Variants in CKAP2L observed in about 807,000 individuals in gnomAD.
CKAP2L encodes cytoskeleton associated protein 2L.
A neutral mutation model predicts 65.7 loss-of-function variants in CKAP2L; 42 were observed. The observed-to-expected ratio is 0.64, with a 90% CI of 0.50 to 0.83. The LOEUF (loss-of-function observed/expected upper bound fraction) is 0.83. CKAP2L is among the 40% of genes least tolerant of loss of function. CKAP2L has a pLI of 0.00. For missense variants in CKAP2L, 908 were observed against 871.0 expected (o/e 1.04, Z -0.53); for synonymous variants, 325 against 313.5 (o/e 1.04, Z -0.39).
At chr2:112,744,575 G>C (rs1347730529) in intron 6 of CKAP2L, among the ~76,000 whole-genome samples, 1 of 152,164 alleles carries the variant, frequency 6.6e-6, no homozygotes, top group East Asian at 1.9e-4. Flanking sequence ...TGCAAGATTA[G>C]GATAGGGTGC....
intron 7 of CKAP2L, among the ~76,000 whole-genome samples, chr2:112,741,514 G>A (rs1264855787): frequency 1.2e-4 from 18 of 152,206 alleles, no homozygotes; most frequent in Admixed American, 1.2e-3. Context: ...CAAAATGAAA[G>A]GAAGGAAATC....
At position 112,746,488 on chromosome 2, in the gene CKAP2L, A is replaced by G. The variant is rs1183170407; in HGVS notation, c.1690T>C (p.Leu564=). ...FAKFWICKAK[L]LASKGTFDVI... Reference sequence around the variant, plus strand: ...TCAAAGGTGCCTTTACTTGCCAACAACTTTGCTTTGCAGATCCAGAATTTA... The same window carrying G: ...TCAAAGGTGCCTTTACTTGCCAACAGCTTTGCTTTGCAGATCCAGAATTTA... The change falls in exon 6 of 9, where the codon TTG becomes CTG. Residue 564 remains leucine (L), a synonymous_variant. Coordinates refer to ENST00000302450, the MANE Select transcript of CKAP2L (RefSeq NM_152515.5). 1 of 1,613,442 alleles carries G rather than the reference A, an allele frequency of 6.2e-7. No individual in the cohort carries two copies. The highest frequency in any genetic ancestry group is 1.7e-5 in the Admixed American group (1 of 60,016).
chr2:112,748,521 A>T (rs1680270899), intron 5 of CKAP2L, among the ~76,000 whole-genome samples: 1 of 152,230 alleles, frequency 6.6e-6, no homozygotes, highest in East Asian at 1.9e-4. Flanking sequence ...TCATAAAGTC[A>T]CTAGTGAGTA....
chr2:112,743,106 T>C (rs1162497440), intron 6 of CKAP2L, among the ~76,000 whole-genome samples: 1 of 152,156 alleles, frequency 6.6e-6, no homozygotes, highest in Non-Finnish European at 1.5e-5. Context: ...GGCCCAATGA[T>C]GTAAAGCTAG....
chr2:112,752,149 A>G (rs1250861780), intron 5 of CKAP2L, 118 bp downstream of exon 5: 1 of 703,056 alleles, frequency 1.4e-6, no homozygotes, highest in East Asian at 2.6e-5. Context: ...CTGTATTTAC[A>G]AGAGTAGCTA....
At position 112,752,286 on chromosome 2, in the gene CKAP2L, CATT is replaced by C. The variant is rs1680394313; in HGVS notation, c.1580_1582del (p.Glu527_Cys528delinsGly). 1 of 1,613,600 alleles carries C rather than the reference CATT, an allele frequency of 6.2e-7. No homozygotes were observed. Among genetic ancestry groups the C allele is most frequent in the African/African-American group, 1.3e-5 (1 of 74,922 alleles). ...ACTTACCCCTTCGATGAGGTTCAGA[CATT>C]CTGTCAGAGTGTTGTTAATTTTACT... On this transcript the variant is annotated inframe_deletion, in exon 5 of 9. Transcript: ENST00000302450.
intron 5 of CKAP2L, among the ~76,000 whole-genome samples, chr2:112,749,940 G>C (rs1680315194): frequency 6.6e-6 from 1 of 152,146 alleles, no homozygotes; most frequent in Non-Finnish European, 1.5e-5. Context: ...CCTCACCCTG[G>C]CAGTAACAGT....
At chr2:112,744,990 T>C (rs1680159974) in intron 6 of CKAP2L, among the ~76,000 whole-genome samples, 1 of 151,764 alleles carries the variant, frequency 6.6e-6, no homozygotes, top group South Asian at 2.1e-4. Flanking sequence ...AAATAGACAA[T>C]GTAGGAAGAA....
chr2:112,755,993 T>C lies in CKAP2L; in HGVS notation c.1378A>G (p.Thr460Ala), dbSNP rs1680519614. 18 of 1,585,726 alleles carry C rather than the reference T, an allele frequency of 1.1e-5. No homozygotes were observed. Among genetic ancestry groups the C allele is most frequent in the Non-Finnish European group, 1.5e-5 (18 of 1,169,018 alleles). The change falls in exon 4 of 9, where the codon ACA becomes GCA. Residue 460 changes from threonine to alanine, a missense_variant. Thr to Ala is a moderately conservative substitution (Grantham distance 58). Coordinates refer to ENST00000302450, the MANE Select transcript of CKAP2L (RefSeq NM_152515.5). ...QTNPNIKKKA[T>A]AEDRRKQLEE... ...GCAAAGTACCTTCGATCCTCTGCTGTTGCCTTCTTTTTAATATTTGGGTTT... is the reference window on the plus strand; with the variant it reads ...GCAAAGTACCTTCGATCCTCTGCTGCTGCCTTCTTTTTAATATTTGGGTTT...
intron 6 of CKAP2L, among the ~76,000 whole-genome samples, chr2:112,744,024 A>AT (rs1391688508): frequency 2.0e-5 from 3 of 152,174 alleles, no homozygotes; most frequent in African/African-American, 4.8e-5. Flanking sequence ...CTTTCCGTAC[A>AT]TTTTTTCAAA....
intron 6 of CKAP2L, among the ~76,000 whole-genome samples, chr2:112,744,962 T>A (rs1329286331): frequency 6.6e-6 from 1 of 151,020 alleles, no homozygotes; most frequent in African/African-American, 2.4e-5. Context: ...GAGAAAGAAA[T>A]GAAAAACATT....
intron 5 of CKAP2L, 57 bp downstream of exon 5, chr2:112,752,210 G>T: frequency 7.9e-7 from 1 of 1,264,064 alleles, no homozygotes; most frequent in Non-Finnish European, 1.1e-6. Flanking sequence ...TTAGGAATAT[G>T]TTTAAAAATT....
chr2:112,754,399 A>G (rs1266054607), intron 4 of CKAP2L, among the ~76,000 whole-genome samples: 1 of 152,236 alleles, frequency 6.6e-6, no homozygotes, highest in East Asian at 1.9e-4. Context: ...CTACTTGATG[A>G]TACAAGGTGA....
At chr2:112,746,951 G>A (rs562716696) in intron 5 of CKAP2L, among the ~76,000 whole-genome samples, 37 of 151,826 alleles carry the variant, frequency 2.4e-4, no homozygotes, top group South Asian at 2.1e-4. Context: ...CCACATGCTC[G>A]GCTAATTTTT....
chr2:112,759,415 T>C (rs576470612), intron 3 of CKAP2L, among the ~76,000 whole-genome samples: 1 of 152,358 alleles, frequency 6.6e-6, no homozygotes, highest in South Asian at 2.1e-4. Context: ...ATTATTTACA[T>C]CGTGCTTTTA....
At position 112,737,993 on chromosome 2, in the gene CKAP2L, T is replaced by G. The variant is rs1011880362; in HGVS notation, c.*830A>C. 1 of 152,180 alleles carries G rather than the reference T, an allele frequency of 6.6e-6. No homozygotes were observed. Among genetic ancestry groups the G allele is most frequent in the Non-Finnish European group, 1.5e-5 (1 of 68,040 alleles). The allele number at this position is 152,180 out of a possible 1,614,324, so 9.4% of individuals were successfully genotyped here. On this transcript the variant is annotated 3_prime_UTR_variant, in exon 9 of 9. Coordinates refer to ENST00000302450, the MANE Select transcript of CKAP2L (RefSeq NM_152515.5). ...TTACATAATGACTAAGGTAAAACCT[T>G]TCCACAAATAGTTGCCCAGGAGGAA...
chr2:112,756,141 G>T lies in CKAP2L; in HGVS notation c.1230C>A (p.Gly410=), dbSNP rs768785961. ...CCAAAGTCTGTGCTTTTTGCTGAAA[G>T]CCATTATTGTTATGTTTATTACCAC... ...GTSGNKHNNN[G]FQQKAQTLDS... is the part of the protein sequence containing the mutation. Residue 410 remains glycine (G), a synonymous_variant, in exon 4 of 9, where the codon GGC becomes GGA. Transcript: ENST00000302450. The T allele has an allele frequency of 6.2e-7, 1 of 1,613,934 alleles. No individual in the cohort carries two copies. Among genetic ancestry groups the T allele is most frequent in the Non-Finnish European group, 8.5e-7 (1 of 1,179,996 alleles).
At chr2:112,740,550 T>C (rs1385405317) in intron 8 of CKAP2L, among the ~76,000 whole-genome samples, 2 of 152,352 alleles carry the variant, frequency 1.3e-5, no homozygotes, top group Middle Eastern at 3.4e-3. Context: ...TGGGACTTTG[T>C]GCCCCATCTT....
chr2:112,747,002 G>A (rs1055574933), intron 5 of CKAP2L, among the ~76,000 whole-genome samples: 1 of 152,086 alleles, frequency 6.6e-6, no homozygotes, highest in Admixed American at 6.5e-5. Flanking sequence ...TGTTAGCCAG[G>A]ATGGTCTTGA....
Sources: allele counts gnomAD v4.1 joint callset (sites outside exome capture counted in the v4.1 genomes callset), GRCh38; gene constraint gnomAD v4.1.1; transcripts MANE v1.5; gene names NCBI Gene and HGNC (gene_info 2026-07-23, HGNC 2026-07-21).